ERC2: variants seen among roughly 807,000 people sequenced by gnomAD.
ERC2 encodes ERC protein 2.
ERC2 carries 42 observed loss-of-function variants against 114.8 expected under a neutral mutation model. The observed-to-expected ratio is 0.37, with a 90% CI of 0.29 to 0.47. ERC2 has a LOEUF of 0.47. Ranked by LOEUF, ERC2 falls within the 20% of genes least tolerant of loss-of-function variation. ERC2 has a pLI of 0.99. For synonymous variants in ERC2, 454 were observed against 425.5 expected, an observed-to-expected ratio of 1.07 and a Z score of -0.82; for missense variants, 939 against 1,150.7, an observed-to-expected ratio of 0.82 and a Z score of 2.66.
chr3:56,117,452 A>G (rs564609226), intron 6 of ERC2, among the ~76,000 whole-genome samples: 1 of 152,210 alleles, frequency 6.6e-6, no homozygotes, highest in Non-Finnish European at 1.5e-5. Context: ...TTCAAGAGAC[A>G]TTTCCATCCT....
At chr3:55,770,775 T>A (rs2068139389) in intron 14 of ERC2, among the ~76,000 whole-genome samples, 1 of 152,124 alleles carries the variant, frequency 6.6e-6, no homozygotes. Flanking sequence ...TAGGTATTTC[T>A]CCTAATGCTC....
intron 12 of ERC2, among the ~76,000 whole-genome samples, chr3:55,957,610 A>G (rs1576356166): frequency 6.6e-6 from 1 of 152,216 alleles, no homozygotes; most frequent in African/African-American, 2.4e-5. Flanking sequence ...CTCGGCTCAC[A>G]CTACCACCTC....
chr3:56,426,688 G>A (rs1012232918), intron 2 of ERC2, among the ~76,000 whole-genome samples: 3 of 152,172 alleles, frequency 2.0e-5, no homozygotes, highest in Non-Finnish European at 2.9e-5. Flanking sequence ...CTGTTCTGAG[G>A]AGAAGGTGGA....
At chr3:56,012,360 G>A (rs1228376457) in intron 8 of ERC2, among the ~76,000 whole-genome samples, 1 of 152,102 alleles carries the variant, frequency 6.6e-6, no homozygotes, top group African/African-American at 2.4e-5. Flanking sequence ...AATCCCTCTG[G>A]CTGGATCACG....
intron 15 of ERC2, among the ~76,000 whole-genome samples, chr3:55,710,480 A>G (rs1576252184): frequency 6.6e-6 from 1 of 152,142 alleles, no homozygotes; most frequent in Admixed American, 6.5e-5. Context: ...GTGTTGAGTC[A>G]TATGGTTGTT....
At chr3:56,305,290 AATT>A (rs935979321) in intron 2 of ERC2, among the ~76,000 whole-genome samples, 2 of 152,078 alleles carry the variant, frequency 1.3e-5, no homozygotes, top group African/African-American at 4.8e-5. Context: ...AATGACAAAA[AATT>A]ATTATCAAGA....
intron 17 of ERC2, among the ~76,000 whole-genome samples, chr3:55,652,838 C>T (rs1031860339): frequency 3.4e-5 from 4 of 119,384 alleles, no homozygotes; most frequent in Non-Finnish European, 6.4e-5. Flanking sequence ...CCAGCCCGGG[C>T]GACAATGCAA....
intron 17 of ERC2, among the ~76,000 whole-genome samples, chr3:55,652,613 C>A (rs534813848): frequency 2.7e-4 from 41 of 152,254 alleles, no homozygotes; most frequent in Middle Eastern, 3.4e-3. Context: ...GTGGCTCATG[C>A]CTGTAATCCC....
intron 7 of ERC2, among the ~76,000 whole-genome samples, chr3:56,062,481 A>G (rs997534694): frequency 2.6e-5 from 4 of 152,202 alleles, no homozygotes; most frequent in Non-Finnish European, 5.9e-5. Flanking sequence ...ACTGCTTACT[A>G]TGAATGCTAG....
At chr3:56,081,945 A>C (rs1576851114) in intron 6 of ERC2, among the ~76,000 whole-genome samples, 1 of 152,212 alleles carries the variant, frequency 6.6e-6, no homozygotes, top group African/African-American at 2.4e-5. Flanking sequence ...ACTGTGACAA[A>C]CACTTTATTT....
chr3:55,548,386 G>C (rs562110316), intron 17 of ERC2, among the ~76,000 whole-genome samples: 1 of 152,354 alleles, frequency 6.6e-6, no homozygotes, highest in South Asian at 2.1e-4. Context: ...TGTTACAGGA[G>C]ATGTAAATAG....
intron 14 of ERC2, among the ~76,000 whole-genome samples, chr3:55,884,646 G>T (rs113949904): frequency 6.6e-5 from 10 of 152,036 alleles, no homozygotes; most frequent in Non-Finnish European, 1.3e-4. Context: ...ACCACCTTAT[G>T]AGCCCATGGC....
At chr3:55,560,266 T>C (rs1234959156) in intron 17 of ERC2, among the ~76,000 whole-genome samples, 2 of 152,222 alleles carry the variant, frequency 1.3e-5, no homozygotes, top group African/African-American at 4.8e-5. Context: ...TGACATTGGC[T>C]CACAGGCCAC....
chr3:55,698,938 T>G (rs1231501854), intron 16 of ERC2, among the ~76,000 whole-genome samples: 3 of 152,178 alleles, frequency 2.0e-5, no homozygotes, highest in African/African-American at 7.2e-5. Flanking sequence ...CAAAACGGAT[T>G]TCTCTCCTTG....
intron 6 of ERC2, among the ~76,000 whole-genome samples, chr3:56,135,241 C>T (rs978540249): frequency 6.6e-6 from 1 of 152,112 alleles, no homozygotes; most frequent in Non-Finnish European, 1.5e-5. Context: ...GTGTGAGCCA[C>T]CACACCTGGC....
At chr3:56,019,881 G>T (rs895246609) in intron 7 of ERC2, among the ~76,000 whole-genome samples, 4 of 151,988 alleles carry the variant, frequency 2.6e-5, no homozygotes, top group Admixed American at 2.0e-4. Context: ...TCGTATTAAG[G>T]GTTTTAAAAT....
intron 6 of ERC2, among the ~76,000 whole-genome samples, chr3:56,104,603 G>A (rs888311765): frequency 6.6e-6 from 1 of 151,088 alleles, no homozygotes; most frequent in East Asian, 2.0e-4. Flanking sequence ...CTTTGAATGC[G>A]ACAGGACTAG....
intron 14 of ERC2, among the ~76,000 whole-genome samples, chr3:55,816,744 T>G (rs2059916742): frequency 6.6e-6 from 1 of 151,988 alleles, no homozygotes; most frequent in African/African-American, 2.4e-5. Flanking sequence ...TACAGAACTA[T>G]TTTATCTGGG....
At chr3:56,430,433 G>A (rs566708662) in intron 2 of ERC2, among the ~76,000 whole-genome samples, 30 of 152,238 alleles carry the variant, frequency 2.0e-4, no homozygotes, top group Admixed American at 1.1e-3. Context: ...CTGTAATCAT[G>A]CCACTCCAAA....
Sources: allele counts gnomAD v4.1 joint callset (sites outside exome capture counted in the v4.1 genomes callset), GRCh38; gene constraint gnomAD v4.1.1; transcripts MANE v1.5; gene names NCBI Gene and HGNC (gene_info 2026-07-23, HGNC 2026-07-21).